The following OR7E24 variants were observed in gnomAD, a reference collection of about 807,000 sequenced individuals.
OR7E24 encodes the protein olfactory receptor family 7 subfamily E member 24.
For synonymous variants in OR7E24, 130 were observed against 157.5 expected (o/e 0.83, Z 1.31); for missense variants, 385 against 410.3 (o/e 0.94, Z 0.53).
the OR7E24 span, chr19:9,214,537 C>G: frequency 3.7e-6 from 6 of 1,614,124 alleles, no homozygotes; most frequent in Non-Finnish European, 3.4e-6. Context: ...AAAAAATACA[C>G]CTGAGTGAGG....
At chr19:9,214,358 A>C in the OR7E24 span, 1 of 1,614,034 alleles carries the variant, frequency 6.2e-7, no homozygotes, top group Non-Finnish European at 8.5e-7. Context: ...TCATCAGTAG[A>C]ATATGAACCA....
At chr19:9,233,025 C>T in the OR7E24 span, among the ~76,000 whole-genome samples, 9 of 144,268 alleles carry the variant, frequency 6.2e-5, no homozygotes, top group African/African-American at 2.3e-4. Context: ...CTCCATCTCA[C>T]TGGTCTCTCA....
the OR7E24 span, chr19:9,214,788 A>G: frequency 1.9e-6 from 3 of 1,612,754 alleles, no homozygotes; most frequent in African/African-American, 1.3e-5. Context: ...ATCATCTGAG[A>G]GTCCCAGGAG....
At chr19:9,231,955 T>C in the OR7E24 span, among the ~76,000 whole-genome samples, 1 of 152,250 alleles carries the variant, frequency 6.6e-6, no homozygotes, top group Non-Finnish European at 1.5e-5. Context: ...ATCGTGTTTC[T>C]TGAACACCTA....
the OR7E24 span, chr19:9,214,127 G>T: frequency 6.2e-7 from 1 of 1,614,050 alleles, no homozygotes; most frequent in Non-Finnish European, 8.5e-7. Flanking sequence ...AGGTGGAAAA[G>T]GCTTTGTACT....
At chr19:9,221,573 G>A in the OR7E24 span, among the ~76,000 whole-genome samples, 1 of 151,410 alleles carries the variant, frequency 6.6e-6, no homozygotes, top group Admixed American at 6.6e-5. Context: ...GGGTGGTCTC[G>A]ATCTCCTGAC....
At chr19:9,219,752 C>T in the OR7E24 span, among the ~76,000 whole-genome samples, 1 of 152,122 alleles carries the variant, frequency 6.6e-6, no homozygotes, top group African/African-American at 2.4e-5. Flanking sequence ...GTTTGGCTCC[C>T]TTTGAGTAGT....
chr19:9,237,640 A>G, the OR7E24 span, among the ~76,000 whole-genome samples: 1 of 151,938 alleles, frequency 6.6e-6, no homozygotes, highest in Non-Finnish European at 1.5e-5. Context: ...GTTAATGTTA[A>G]TTTCCTTCGT....
the OR7E24 span, among the ~76,000 whole-genome samples, chr19:9,232,330 G>C: frequency 6.6e-6 from 1 of 152,088 alleles, no homozygotes; most frequent in African/African-American, 2.4e-5. Flanking sequence ...ACGAGGTCAG[G>C]AGATAGAGAC....
chr19:9,236,599 CT>C, the OR7E24 span, among the ~76,000 whole-genome samples: 1 of 148,692 alleles, frequency 6.7e-6, no homozygotes, highest in African/African-American at 2.5e-5. Flanking sequence ...ACTGCAATGA[CT>C]TTTGCACCCA....
the OR7E24 span, chr19:9,207,496 T>C: frequency 1.3e-5 from 2 of 152,148 alleles, no homozygotes; most frequent in African/African-American, 4.8e-5. Context: ...GGTAGAATGG[T>C]AATTACTAGA....
the OR7E24 span, among the ~76,000 whole-genome samples, chr19:9,220,854 C>A: frequency 6.6e-6 from 1 of 152,216 alleles, no homozygotes; most frequent in Non-Finnish European, 1.5e-5. Context: ...TCCATTTCTT[C>A]ATATCCTGGC....
chr19:9,250,179 C>T (rs755006896), upstream of OR7E24, among the ~76,000 whole-genome samples: 10 of 152,186 alleles, frequency 6.6e-5, no homozygotes, highest in Non-Finnish European at 1.3e-4. Flanking sequence ...AGTGCAGCCT[C>T]GAACTCCAGG....
At chr19:9,237,708 A>C in the OR7E24 span, among the ~76,000 whole-genome samples, 1 of 151,962 alleles carries the variant, frequency 6.6e-6, no homozygotes, top group African/African-American at 2.4e-5. Context: ...GTGTTTATTC[A>C]CTCATCCATT....
chr19:9,217,535 GGTTT>G, the OR7E24 span, among the ~76,000 whole-genome samples: 5 of 151,938 alleles, frequency 3.3e-5, no homozygotes, highest in East Asian at 3.9e-4. Flanking sequence ...ATGGATCATT[GGTTT>G]GTTTGTTTGT....
upstream of OR7E24, among the ~76,000 whole-genome samples, chr19:9,248,585 G>A (rs775124971): frequency 4.6e-5 from 7 of 152,118 alleles, no homozygotes; most frequent in Middle Eastern, 3.2e-3. Flanking sequence ...AGACCAGTGG[G>A]TGCCACGTTC....
chr19:9,239,374 G>A, the OR7E24 span, among the ~76,000 whole-genome samples: 19 of 151,996 alleles, frequency 1.3e-4, no homozygotes, highest in Non-Finnish European at 2.1e-4. Context: ...GGGCTTCACC[G>A]TGTTAGCCAG....
At chr19:9,214,669 T>C in the OR7E24 span, 4 of 1,612,568 alleles carry the variant, frequency 2.5e-6, no homozygotes, top group Admixed American at 5.0e-5. Flanking sequence ...TACATGGGGG[T>C]GTGGAGGTGG....
At chr19:9,228,342 T>C in the OR7E24 span, among the ~76,000 whole-genome samples, 2 of 152,324 alleles carry the variant, frequency 1.3e-5, no homozygotes, top group East Asian at 3.9e-4. Context: ...TGTATTCAAA[T>C]ACCTACATTA....
Sources: gnomAD v4.1 joint callset for allele counts (sites outside exome capture counted in the v4.1 genomes callset) on GRCh38, gnomAD v4.1.1 for gene constraint, MANE v1.5 for transcripts, NCBI Gene and HGNC (gene_info 2026-07-23, HGNC 2026-07-21) for gene names.